Variants in CHSY1 observed in about 807,000 individuals in gnomAD.
The protein encoded by CHSY1 is chondroitin sulfate synthase 1.
A neutral mutation model predicts 59.8 loss-of-function variants in CHSY1; 13 were observed. The ratio of observed to expected loss-of-function variants is 0.22; its 90% CI spans 0.14 to 0.35. The LOEUF is 0.35. CHSY1 is among the 10% of genes least tolerant of loss of function. The probability of loss-of-function intolerance (pLI) is 1.00; values close to 1 mark genes in which losing one functional copy is unlikely to be tolerated. For missense variants in CHSY1, 947 were observed against 1,030.6 expected, an observed-to-expected ratio of 0.92 and a Z score of 1.11; for synonymous variants, 459 against 401.2, an observed-to-expected ratio of 1.14 and a Z score of -1.72.
intron 2 of CHSY1, among the ~76,000 whole-genome samples, chr15:101,223,934 C>T (rs2038814250): frequency 6.6e-6 from 1 of 152,262 alleles, no homozygotes; most frequent in Admixed American, 6.5e-5. Context: ...AACAACTGAC[C>T]CCTTAGACTG....
chr15:101,195,314 C>A (rs946455421), intron 2 of CHSY1, among the ~76,000 whole-genome samples: 1 of 152,216 alleles, frequency 6.6e-6, no homozygotes, highest in Non-Finnish European at 1.5e-5. Context: ...TTTGGATCAT[C>A]TTATTTTCCT....
At chr15:101,246,166 A>G (rs2039049064) in intron 1 of CHSY1, among the ~76,000 whole-genome samples, 2 of 152,174 alleles carry the variant, frequency 1.3e-5, no homozygotes, top group African/African-American at 4.8e-5. Flanking sequence ...CTAATCTGTA[A>G]TGGTGCCCTT....
intron 2 of CHSY1, among the ~76,000 whole-genome samples, chr15:101,188,762 A>AT (rs1458513086): frequency 6.6e-6 from 1 of 152,222 alleles, no homozygotes; most frequent in African/African-American, 2.4e-5. Context: ...GCATAAGACT[A>AT]TAAGTAAAGC....
intron 2 of CHSY1, among the ~76,000 whole-genome samples, chr15:101,219,347 A>G (rs945939682): frequency 2.0e-5 from 3 of 152,200 alleles, no homozygotes; most frequent in Non-Finnish European, 2.9e-5. Flanking sequence ...TCAGTCTCTA[A>G]AAGTTGATGG....
chr15:101,251,225 C>T lies in CHSY1; in HGVS notation c.232G>A (p.Asp78Asn). ...AAGTTCCTGTCGCGCGGGCCGCCAT[C>T]TGGGTCCGAGCCGGGCGGCCAGAGC... ...AQLWPPGSDP[D>N]GGPRDRNFLF... is the part of the protein sequence containing the mutation. The change falls in exon 1 of 3, where the codon GAT becomes AAT. Residue 78 changes from aspartate (D) to asparagine (N), a missense_variant. Coordinates refer to ENST00000254190, the MANE Select transcript of CHSY1 (RefSeq NM_014918.5). 6.3e-7 allele frequency: 1 copy of T among 1,588,852 alleles called. No homozygotes were observed. The highest frequency in any genetic ancestry group is 8.5e-7 in the Non-Finnish European group (1 of 1,172,246).
rs542411755 is a variant in CHSY1 at position 101,230,548 on chromosome 15, A to T, written c.816+4534T>A. Among the ~76,000 whole-genome samples, 629 of 152,304 alleles carry T rather than the reference A, an allele frequency of 4.1e-3. 4 individuals carry two copies. The highest frequency in any genetic ancestry group is 0.014 in the African/African-American group (564 of 41,588). ...AAATATGTACAATTATAATGTGTGA[A>T]TTTTTTTTAAAAAAAGAAACATTAT... On this transcript the variant is annotated intron_variant, in intron 2 of 2. Coordinates refer to ENST00000254190, the MANE Select transcript of CHSY1 (RefSeq NM_014918.5).
Position 101,176,443 on chromosome 15 carries a change from T to C in CHSY1, c.*945A>G, listed in dbSNP as rs539383488. On this transcript the variant is annotated 3_prime_UTR_variant, in exon 3 of 3. Transcript: ENST00000254190. Reference sequence around the variant, plus strand: ...ATCTTTGTCATTCTAAACATTAATATTTTACCCTTTAAAGAGAAGGGTCAA... The same window carrying C: ...ATCTTTGTCATTCTAAACATTAATACTTTACCCTTTAAAGAGAAGGGTCAA... 1.8e-5 allele frequency: 7 copies of C among 398,506 alleles called. No individual in the cohort carries two copies. The highest frequency in any genetic ancestry group is 1.2e-4 in the African/African-American group (6 of 48,738). 24.7% of individuals were successfully genotyped at this position (398,506 alleles called of 1,614,324 possible).
chr15:101,246,218 C>T (rs2039049842), intron 1 of CHSY1, among the ~76,000 whole-genome samples: 1 of 152,204 alleles, frequency 6.6e-6, no homozygotes, highest in Non-Finnish European at 1.5e-5. Context: ...CCACCTCTTT[C>T]TTCTGACAAC....
At chr15:101,248,685 G>A (rs1174901424) in intron 1 of CHSY1, among the ~76,000 whole-genome samples, 1 of 152,256 alleles carries the variant, frequency 6.6e-6, no homozygotes, top group Non-Finnish European at 1.5e-5. Flanking sequence ...GATGAGGGAA[G>A]AGATGTGGAA....
intron 2 of CHSY1, among the ~76,000 whole-genome samples, chr15:101,190,621 A>G (rs1163511129): frequency 6.6e-6 from 1 of 152,268 alleles, no homozygotes; most frequent in African/African-American, 2.4e-5. Context: ...GGACTTAATT[A>G]AAGTTAAAAA....
At chr15:101,231,898 C>T (rs1055647067) in intron 2 of CHSY1, among the ~76,000 whole-genome samples, 10 of 152,336 alleles carry the variant, frequency 6.6e-5, no homozygotes, top group African/African-American at 2.4e-4. Context: ...ATATTGCTGA[C>T]ACCATGTGGC....
intron 2 of CHSY1, among the ~76,000 whole-genome samples, chr15:101,191,835 T>C (rs1390561243): frequency 2.6e-5 from 4 of 152,224 alleles, no homozygotes; most frequent in Non-Finnish European, 5.9e-5. Context: ...GTACTTTTTC[T>C]CTGGCTTCTC....
At chr15:101,240,492 A>T (rs2038991079) in intron 1 of CHSY1, among the ~76,000 whole-genome samples, 1 of 152,196 alleles carries the variant, frequency 6.6e-6, no homozygotes, top group Admixed American at 6.5e-5. Flanking sequence ...TTGCCAGAAA[A>T]AGCTCATTTT....
intron 2 of CHSY1, among the ~76,000 whole-genome samples, chr15:101,207,631 GC>G (rs1174252338): frequency 6.6e-6 from 1 of 152,000 alleles, no homozygotes; most frequent in Non-Finnish European, 1.5e-5. Flanking sequence ...TGAATATTTG[GC>G]ACAAATAAAC....
At chr15:101,251,110 G>A (rs1567112076) in intron 1 of CHSY1, 27 bp downstream of exon 1, 4 of 1,550,354 alleles carry the variant, frequency 2.6e-6, no homozygotes, top group Admixed American at 1.9e-5. Context: ...GGACGCAGGA[G>A]GCGGTGCCCG....
At chr15:101,186,748 G>C (rs995604349) in intron 2 of CHSY1, 3 of 152,210 alleles carry the variant, frequency 2.0e-5, no homozygotes, top group Non-Finnish European at 4.4e-5. Context: ...GCTGCAGTGA[G>C]CCATGATCGC....
At chr15:101,244,407 T>TA (rs2141281210) in intron 1 of CHSY1, among the ~76,000 whole-genome samples, 1 of 152,322 alleles carries the variant, frequency 6.6e-6, no homozygotes, top group East Asian at 1.9e-4. Context: ...GAATTAATGG[T>TA]AACTGACTGA....
At chr15:101,195,752 G>A (rs2038497808) in intron 2 of CHSY1, among the ~76,000 whole-genome samples, 1 of 151,098 alleles carries the variant, frequency 6.6e-6, no homozygotes, top group South Asian at 2.1e-4. Flanking sequence ...GTGAACCTGG[G>A]AGGCGGAGCT....
At chr15:101,245,065 TC>T (rs2141281659) in intron 1 of CHSY1, among the ~76,000 whole-genome samples, 1 of 152,248 alleles carries the variant, frequency 6.6e-6, no homozygotes, top group South Asian at 2.1e-4. Context: ...CTTGACCAAC[TC>T]TAGCCACCCT....
Sources: allele counts gnomAD v4.1 joint callset (sites outside exome capture counted in the v4.1 genomes callset), GRCh38; gene constraint gnomAD v4.1.1; transcripts MANE v1.5; gene names NCBI Gene and HGNC (gene_info 2026-07-23, HGNC 2026-07-21).